Variants in BCAS4 observed in about 807,000 individuals in gnomAD.
BCAS4 encodes the protein breast carcinoma amplified sequence 4, also known as breast carcinoma-amplified sequence 4.
A neutral mutation model predicts 15.7 loss-of-function variants in BCAS4; 9 were observed. That is an observed-to-expected ratio of 0.57 (90% CI 0.34 to 1.00). BCAS4 has a LOEUF of 1.00. Ranked by LOEUF, BCAS4 falls within the 50% of genes least tolerant of loss-of-function variation. The probability of loss-of-function intolerance (pLI) is 0.02; values close to 1 mark genes in which losing one functional copy is unlikely to be tolerated. For synonymous variants in BCAS4, 101 were observed against 99.5 expected, an observed-to-expected ratio of 1.02 and a Z score of -0.09; for missense variants, 225 against 239.1, an observed-to-expected ratio of 0.94 and a Z score of 0.39.
Position 50,823,161 on chromosome 20 carries a change from G to A in BCAS4, c.162+4879G>A, listed in dbSNP as rs574250041. On this transcript the variant is annotated intron_variant, in intron 2 of 4. Coordinates refer to ENST00000371608, the MANE Select transcript of BCAS4 (RefSeq NM_198799.4). ...TTGAGACCAGCCTGGCCAACATGGCGAAACCCTGTCTCTACTAAAAATACA... is the reference window on the plus strand; with the variant it reads ...TTGAGACCAGCCTGGCCAACATGGCAAAACCCTGTCTCTACTAAAAATACA... Among the ~76,000 whole-genome samples the A allele has an allele frequency of 2.6e-5, 4 of 151,816 alleles. No homozygotes were observed. In the South Asian group the frequency reaches 6.3e-4, roughly 24 times the overall value.
intron 4 of BCAS4, among the ~76,000 whole-genome samples, chr20:50,869,486 TGTTCTGGGCAAGCCAGGACTGGCTG>T (rs1979525529): frequency 6.6e-6 from 1 of 152,142 alleles, no homozygotes; most frequent in Non-Finnish European, 1.5e-5. Context: ...GCCTCTTGCC[TGTTCTGGGCAAGCCAGGACTGGCTG>T]GGGCTGCAGT....
At chr20:50,815,376 G>T (rs2143252) in intron 1 of BCAS4, among the ~76,000 whole-genome samples, 33,611 of 151,848 alleles carry the variant, frequency 0.22, 5,193 homozygotes, top group African/African-American at 0.45. Flanking sequence ...TCTGCGTTGT[G>T]TGCACCTGCA....
chr20:50,827,377 G>A (rs147264483), intron 2 of BCAS4, among the ~76,000 whole-genome samples: 10 of 152,192 alleles, frequency 6.6e-5, no homozygotes, highest in African/African-American at 2.4e-4. Flanking sequence ...GAGGGTCCCC[G>A]ATGCCCACAT....
chr20:50,818,281 T>C lies in BCAS4; in HGVS notation c.161T>C (p.Leu54Pro). Reference protein sequence around the residue: ...RLEEFCSLADLIRSDTSQILE... With the variant: ...RLEEFCSLADPIRSDTSQILE... ...GAAGAGTTTTGCAGCCTGGCTGACC[T>C]GGTGAGTGGCTGCCTGGAAGGCGTG... The change falls in exon 2 of 5, where the codon CTG (leucine) becomes CCG (proline). Residue 54 changes from leucine to proline, a missense_variant and splice_region_variant. Physicochemically the swap from Leu to Pro is moderately conservative, Grantham distance 98 (BLOSUM62 -3). Coordinates refer to ENST00000371608, the MANE Select transcript of BCAS4 (RefSeq NM_198799.4). The C allele has an allele frequency of 6.6e-7, 1 of 1,510,008 alleles. No individual in the cohort carries two copies. The highest frequency in any genetic ancestry group is 8.9e-7 in the Non-Finnish European group (1 of 1,124,322). The allele number at this position is 1,510,008 out of a possible 1,614,324, so 93.5% of individuals were successfully genotyped here.
intron 4 of BCAS4, among the ~76,000 whole-genome samples, chr20:50,867,918 A>G (rs1169096046): frequency 6.6e-6 from 1 of 152,022 alleles, no homozygotes; most frequent in Non-Finnish European, 1.5e-5. Flanking sequence ...CATCTCAAAA[A>G]CAAACAAACA....
intron 2 of BCAS4, among the ~76,000 whole-genome samples, chr20:50,824,753 G>A (rs1458669806): frequency 6.6e-6 from 1 of 152,192 alleles, no homozygotes; most frequent in African/African-American, 2.4e-5. Flanking sequence ...CTGCCACTCA[G>A]CTCCAGCTGA....
At chr20:50,832,906 G>T (rs2088361678) in intron 3 of BCAS4, 1 of 152,222 alleles carries the variant, frequency 6.6e-6, no homozygotes, top group South Asian at 2.1e-4. Context: ...ACACCTGCAG[G>T]ATCCCTTTTG....
At chr20:50,865,521 G>T (rs1451883801) in intron 4 of BCAS4, among the ~76,000 whole-genome samples, 1 of 152,182 alleles carries the variant, frequency 6.6e-6, no homozygotes, top group African/African-American at 2.4e-5. Flanking sequence ...GCTAAAAGCA[G>T]AATCTGTGGG....
chr20:50,812,382 C>T lies in BCAS4; in HGVS notation c.91-5829C>T, dbSNP rs184432259. Among the ~76,000 whole-genome samples, 16 of 151,636 alleles carry T rather than the reference C, an allele frequency of 1.1e-4. No homozygotes were observed. In the East Asian group the frequency reaches 2.1e-3, roughly 20 times the overall value. On this transcript the variant is annotated intron_variant, in intron 1 of 4. Coordinates refer to ENST00000371608, the MANE Select transcript of BCAS4 (RefSeq NM_198799.4). Reference sequence around the variant, plus strand: ...TCTCCTGACGTTGTGATCCGCCCCCCCTTGGCCTCCCAAAGTACTGGGATT... The same window carrying T: ...TCTCCTGACGTTGTGATCCGCCCCCTCTTGGCCTCCCAAAGTACTGGGATT...
chr20:50,851,178 C>T lies in BCAS4; in HGVS notation c.399+9278C>T, dbSNP rs879873862. On this transcript the variant is annotated intron_variant, in intron 4 of 4. Coordinates refer to ENST00000371608, the MANE Select transcript of BCAS4 (RefSeq NM_198799.4). This position sits in a 1 kb window ranked among gnomAD's most constrained non-coding sequence, Gnocchi z 4.3. ...CTGGTGGTGGAGGCTGGGTAAGACA[C>T]AAACAAGAAGGGAGAGGAAATTGTG... Among the ~76,000 whole-genome samples the T allele has an allele frequency of 4.6e-5, 7 of 152,172 alleles. No homozygotes were observed. Among genetic ancestry groups the T allele is most frequent in the Non-Finnish European group, 1.0e-4 (7 of 68,026 alleles).
intron 2 of BCAS4, among the ~76,000 whole-genome samples, chr20:50,827,117 C>G (rs1301050978): frequency 6.6e-6 from 1 of 152,252 alleles, no homozygotes; most frequent in African/African-American, 2.4e-5. Context: ...TGAGTGTCCT[C>G]TTTCTGTTCC....
intron 1 of BCAS4, among the ~76,000 whole-genome samples, chr20:50,801,604 G>A (rs1167788665): frequency 1.3e-5 from 2 of 152,144 alleles, no homozygotes; most frequent in African/African-American, 4.8e-5. Context: ...GCCTCCCAAA[G>A]TGTTGGAATT....
At chr20:50,869,273 T>G (rs532939279) in intron 4 of BCAS4, among the ~76,000 whole-genome samples, 2 of 152,252 alleles carry the variant, frequency 1.3e-5, no homozygotes, top group East Asian at 3.9e-4. Flanking sequence ...AAGGTGGGCC[T>G]CTAGCAGCAG....
At chr20:50,805,891 T>C (rs761036) in intron 1 of BCAS4, among the ~76,000 whole-genome samples, 33,248 of 151,300 alleles carry the variant, frequency 0.22, 3,933 homozygotes, top group African/African-American at 0.32. Flanking sequence ...GTAGGAAAAT[T>C]GCTTGAACCT....
chr20:50,820,306 G>A (rs2088198058), intron 2 of BCAS4, among the ~76,000 whole-genome samples: 1 of 152,210 alleles, frequency 6.6e-6, no homozygotes, highest in Non-Finnish European at 1.5e-5. Context: ...TCAAGGTAAG[G>A]TCAAGGTGTG....
At chr20:50,850,490 A>C (rs1487712878) in intron 4 of BCAS4, among the ~76,000 whole-genome samples, 1 of 152,178 alleles carries the variant, frequency 6.6e-6, no homozygotes, top group Non-Finnish European at 1.5e-5. Context: ...CCTCAACCAC[A>C]CTTGCTCTTC....
chr20:50,857,361 C>T (rs1218332635), intron 4 of BCAS4, among the ~76,000 whole-genome samples: 2 of 152,110 alleles, frequency 1.3e-5, no homozygotes, highest in East Asian at 1.9e-4. Context: ...GAACTCCGGA[C>T]CTCAGGTGAT....
chr20:50,818,366 G>C, intron 2 of BCAS4, 84 bp downstream of exon 2: 1 of 1,401,160 alleles, frequency 7.1e-7, no homozygotes, highest in South Asian at 1.2e-5. Flanking sequence ...AGCCATTTTG[G>C]TGGTGAGTTA....
intron 1 of BCAS4, among the ~76,000 whole-genome samples, chr20:50,815,070 T>G (rs1411708963): frequency 6.6e-6 from 1 of 152,236 alleles, no homozygotes; most frequent in Non-Finnish European, 1.5e-5. Flanking sequence ...GTTAACCTCC[T>G]GACCATTCTG....
Sources: allele counts gnomAD v4.1 joint callset (sites outside exome capture counted in the v4.1 genomes callset), GRCh38; gene constraint gnomAD v4.1.1; non-coding constraint Gnocchi (gnomAD v3.1); transcripts MANE v1.5; gene names NCBI Gene and HGNC (gene_info 2026-07-23, HGNC 2026-07-21).